The following THOP1 variants were observed in gnomAD, a reference collection of about 807,000 sequenced individuals.
THOP1 encodes thimet oligopeptidase 1.
Under a neutral mutation model 71.8 loss-of-function variants are expected in THOP1, and 49 were observed. The observed-to-expected ratio is 0.68, with a 90% CI of 0.54 to 0.87. The LOEUF is 0.87. THOP1 is among the 40% of genes least tolerant of loss of function. The pLI, the probability that THOP1 is intolerant of heterozygous loss-of-function variation, is 0.00. For missense variants in THOP1, 843 were observed against 975.6 expected (o/e 0.86, Z 1.81); for synonymous variants, 426 against 421.5 (o/e 1.01, Z -0.13).
chr19:2,796,955 C>T lies in THOP1; in HGVS notation c.486+767C>T, dbSNP rs558440853. On this transcript the variant is annotated intron_variant, in intron 4 of 12. Coordinates refer to ENST00000307741, the MANE Select transcript of THOP1 (RefSeq NM_003249.5). The stretch of plus-strand genomic sequence containing the variant: ...CTGGGAGCGCAGCGCTGAAGTCAAG[C>T]GTAGTGTGTTAGCAGAAGCCCAGTG... Among the ~76,000 whole-genome samples the T allele has an allele frequency of 4.7e-4, 71 of 152,272 alleles. 2 individuals carry two copies. The South Asian group carries it at 0.013, about 28-fold the overall frequency.
At position 2,805,155 on chromosome 19, in the gene THOP1, C is replaced by T; in HGVS notation, c.729C>T (p.Ala243=). The T allele has an allele frequency of 6.2e-7, 1 of 1,612,176 alleles. No individual in the cohort carries two copies. The highest frequency in any genetic ancestry group is 8.5e-7 in the Non-Finnish European group (1 of 1,179,642). The change falls in exon 6 of 13, where the codon GCC becomes GCT. Residue 243 remains alanine, a synonymous_variant. Coordinates refer to ENST00000307741, the MANE Select transcript of THOP1 (RefSeq NM_003249.5). This position sits in a 1 kb window ranked among gnomAD's most constrained non-coding sequence, Gnocchi z 6.6. The part of the protein sequence containing the change: ...VPETRRKVEE[A]FNCRCKEENC... ...AGACCAGGAGGAAAGTGGAGGAGGC[C>T]TTCAACTGCCGGTGCAAGGAGGTGA...
chr19:2,802,773 C>G (rs1399138149), intron 5 of THOP1, among the ~76,000 whole-genome samples: 8 of 152,216 alleles, frequency 5.3e-5, no homozygotes, highest in Non-Finnish European at 1.0e-4. Flanking sequence ...ATCAGTCATC[C>G]TGCCGTGACT....
intron 4 of THOP1, 37 bp downstream of exon 4, chr19:2,796,225 A>C: frequency 1.3e-6 from 2 of 1,495,046 alleles, no homozygotes; most frequent in Non-Finnish European, 1.8e-6. Context: ...GGCGTGGGCA[A>C]TGGTCGATCC....
intron 1 of THOP1, among the ~76,000 whole-genome samples, chr19:2,789,598 A>G (rs1056719128): frequency 2.5e-4 from 38 of 150,936 alleles, no homozygotes; most frequent in African/African-American, 8.5e-4. Context: ...AGAAGAAGGG[A>G]CTCCTCCCGA....
chr19:2,799,619 C>T (rs1283682215), intron 4 of THOP1, 70 bp from the exon 5 acceptor site: 4 of 1,282,276 alleles, frequency 3.1e-6, no homozygotes, highest in South Asian at 2.4e-5. Flanking sequence ...AGAGGGTTCC[C>T]AGGCGTTGCG....
Position 2,790,645 on chromosome 19 carries a change from G to A in THOP1, c.229+12G>A, listed in dbSNP as rs773779835. 1.2e-5 allele frequency: 18 copies of A among 1,530,614 alleles called. No individual in the cohort carries two copies. In the African/African-American group the frequency reaches 1.9e-4, roughly 16 times the overall value. The allele number at this position is 1,530,614 out of a possible 1,614,324, so 94.8% of individuals were successfully genotyped here. A position where few individuals can be genotyped will look rare whatever the true frequency, so the allele number is the denominator to read the frequency against. On this transcript the variant is annotated intron_variant, in intron 2 of 12. Transcript: ENST00000307741. ...GGTCACCTACACAGGTAAGTCCCAG[G>A]CAGGGTCTGTGCGTGGGCCGCAGGT... is the stretch of plus-strand genomic sequence containing the variant.
rs776698938 is a variant in THOP1, at chr19:2,794,902, T to C, written c.368T>C (p.Val123Ala). ...SMREDVYQRI[V>A]WLQEKVQKDS... ...AGGGAGGACGTGTACCAGAGGATCG[T>C]GTGGCTCCAGGTGAGGGGGCCCTGC... The change falls in exon 3 of 13, where the codon GTG becomes GCG. Residue 123 changes from valine (V) to alanine (A), a missense_variant. Coordinates refer to ENST00000307741, the MANE Select transcript of THOP1 (RefSeq NM_003249.5). 6.8e-6 allele frequency: 11 copies of C among 1,611,704 alleles called. No individual in the cohort carries two copies. Among genetic ancestry groups the C allele is most frequent in the Non-Finnish European group, 8.5e-6 (10 of 1,178,160 alleles).
chr19:2,799,604 C>CGGCGAGAGGGTTCCCA (rs1916097067), intron 4 of THOP1, 85 bp from the exon 5 acceptor site: 1 of 1,104,316 alleles, frequency 9.1e-7, no homozygotes, highest in African/African-American at 1.5e-5. Flanking sequence ...CCTCAGCCCT[C>CGGCGAGAGGGTTCCCA]GGCGAGAGGG....
intron 11 of THOP1, among the ~76,000 whole-genome samples, chr19:2,811,042 A>G (rs1333937314): frequency 6.6e-6 from 1 of 152,220 alleles, no homozygotes. Flanking sequence ...CCTGATTGAA[A>G]TGTATGACAC....
At chr19:2,795,571 G>A (rs949369325) in intron 3 of THOP1, among the ~76,000 whole-genome samples, 7 of 152,204 alleles carry the variant, frequency 4.6e-5, no homozygotes, top group South Asian at 2.1e-4. Flanking sequence ...CATGATAGCC[G>A]TGGATTGTTA....
In THOP1 at chr19:2,808,552, T is replaced by C. The variant is rs73524709; in HGVS notation, c.1455+108T>C. ...CGGCTTCCGGCTCTCTCTGCACCCG[T>C]CCGGTGGCTCCTTCATCCAATGCCA... On this transcript the variant is annotated intron_variant, in intron 9 of 12. Transcript: ENST00000307741. 15,996 of 1,249,584 alleles carry C rather than the reference T, an allele frequency of 0.013. 1,504 individuals carry two copies. In the African/African-American group the frequency reaches 0.21, roughly 17 times the overall value. 77.4% of individuals were successfully genotyped at this position (1,249,584 alleles called of 1,614,324 possible). A position where few individuals can be genotyped will look rare whatever the true frequency, so the allele number is the denominator to read the frequency against.
chr19:2,800,384 G>A (rs184447828), intron 5 of THOP1, among the ~76,000 whole-genome samples: 5 of 152,226 alleles, frequency 3.3e-5, no homozygotes, highest in East Asian at 1.9e-4. Flanking sequence ...CGGTTTCGCC[G>A]TGTTGGCCAG....
rs963102288 is a variant in THOP1, at chr19:2,796,307, G to C, written c.486+119G>C. ...GAGCAAGAAGCGCAGGGCAGGGGGA[G>C]TGCTGGGCTCGGGGAGTGCTCGGCT... is the stretch of plus-strand genomic sequence containing the variant. On this transcript the variant is annotated intron_variant, in intron 4 of 12. Transcript: ENST00000307741. 25 of 798,484 alleles carry C rather than the reference G, an allele frequency of 3.1e-5. No individual in the cohort carries two copies. The Admixed American group carries it at 3.8e-4, about 12-fold the overall frequency. 49.5% of individuals were successfully genotyped at this position (798,484 alleles called of 1,614,324 possible).
intron 4 of THOP1, among the ~76,000 whole-genome samples, chr19:2,797,891 TCA>T (rs1916056801): frequency 6.6e-6 from 1 of 152,096 alleles, no homozygotes; most frequent in Non-Finnish European, 1.5e-5. Flanking sequence ...CAACCAAGAC[TCA>T]GAGAGGCCAG....
Position 2,801,009 on chromosome 19 carries a change from C to T in THOP1, c.589+1218C>T, listed in dbSNP as rs2283594. 0.022 allele frequency among the ~76,000 whole-genome samples: 3,299 copies of T among 152,340 alleles called. 130 individuals carry two copies. Among genetic ancestry groups the T allele is most frequent in the South Asian group, 0.15 (731 of 4,828 alleles). On this transcript the variant is annotated intron_variant, in intron 5 of 12. Coordinates refer to ENST00000307741, the MANE Select transcript of THOP1 (RefSeq NM_003249.5). This position sits in a 1 kb window ranked among gnomAD's most constrained non-coding sequence, Gnocchi z 5.1. ...AACAAAAGCTTCTCATTGCAAGTGA[C>T]TCCCAAGGAGACTGGGCGTCCAGCT...
At chr19:2,808,154 T>G in intron 8 of THOP1, 89 bp from the exon 9 acceptor site, 4 of 1,421,688 alleles carry the variant, frequency 2.8e-6, no homozygotes, top group Non-Finnish European at 3.8e-6. Flanking sequence ...CGGTCTGGGT[T>G]AGCAGTCAGG....
At chr19:2,793,372 G>A (rs972455765) in intron 2 of THOP1, among the ~76,000 whole-genome samples, 5 of 152,054 alleles carry the variant, frequency 3.3e-5, no homozygotes, top group Non-Finnish European at 5.9e-5. Flanking sequence ...CTCTGTGGAT[G>A]GGCCTGTCCT....
At chr19:2,799,441 G>A (rs548631314) in intron 4 of THOP1, among the ~76,000 whole-genome samples, 1 of 152,356 alleles carries the variant, frequency 6.6e-6, no homozygotes, top group African/African-American at 2.4e-5. Context: ...CATCCCTGAG[G>A]TTGCCCGAGG....
At chr19:2,790,385 C>G in intron 1 of THOP1, 36 bp from the exon 2 acceptor site, 1 of 1,490,546 alleles carries the variant, frequency 6.7e-7, no homozygotes, top group Admixed American at 2.3e-5. Context: ...GAACCGAAAG[C>G]AGACCCGCCC....
Sources: gnomAD v4.1 joint callset for allele counts (sites outside exome capture counted in the v4.1 genomes callset) on GRCh38, gnomAD v4.1.1 for gene constraint, Gnocchi (gnomAD v3.1) non-coding constraint, MANE v1.5 for transcripts, NCBI Gene and HGNC (gene_info 2026-07-23, HGNC 2026-07-21) for gene names.